PRKCA: variants seen among roughly 807,000 people sequenced by gnomAD.
PRKCA encodes the protein protein kinase C alpha type.
In PRKCA, 27 loss-of-function variants were observed where a neutral mutation model predicts 87.0. The observed-to-expected ratio is 0.31, with a 90% confidence interval of 0.23 to 0.43. The LOEUF is 0.43. Ranked by LOEUF, PRKCA falls within the 20% of genes least tolerant of loss-of-function variation. The pLI is 1.00. For missense variants in PRKCA, 518 were observed against 852.3 expected (o/e 0.61, Z 4.88); for synonymous variants, 329 against 311.1 (o/e 1.06, Z -0.61).
At chr17:66,605,309 G>A (rs1970173659) in intron 3 of PRKCA, among the ~76,000 whole-genome samples, 1 of 152,144 alleles carries the variant, frequency 6.6e-6, no homozygotes, top group Non-Finnish European at 1.5e-5. Flanking sequence ...TGAGACCTGT[G>A]GGACTCCAAA....
intron 5 of PRKCA, among the ~76,000 whole-genome samples, chr17:66,675,767 C>A (rs1387894553): frequency 6.6e-6 from 1 of 152,186 alleles, no homozygotes; most frequent in Admixed American, 6.5e-5. Flanking sequence ...GCCACCGGAG[C>A]CTGCCTGGGC....
intron 3 of PRKCA, among the ~76,000 whole-genome samples, chr17:66,519,327 T>G (rs1031659340): frequency 6.6e-6 from 1 of 152,168 alleles, no homozygotes; most frequent in Non-Finnish European, 1.5e-5. Flanking sequence ...TTTGAGTGCT[T>G]GGAGGCCTCT....
chr17:66,316,508 A>G (rs143398826), intron 2 of PRKCA, among the ~76,000 whole-genome samples: 137 of 152,316 alleles, frequency 9.0e-4, no homozygotes, highest in African/African-American at 3.2e-3. Context: ...TTAAAAAATT[A>G]TGAATTTTTA....
intron 2 of PRKCA, among the ~76,000 whole-genome samples, chr17:66,438,025 G>A (rs565633316): frequency 6.6e-6 from 1 of 152,052 alleles, no homozygotes; most frequent in East Asian, 1.9e-4. Context: ...TGGGGGGTGG[G>A]TGTGTGTGGA....
At position 66,405,808 on chromosome 17, in the gene PRKCA, A is replaced by AT. The variant is rs897538244; in HGVS notation, c.206-90383dup. Among the ~76,000 whole-genome samples the AT allele has an allele frequency of 1.8e-3, 271 of 150,038 alleles. 3 individuals carry two copies. The highest frequency in any genetic ancestry group is 4.5e-3 in the African/African-American group (183 of 40,896). ...TGGCTATCTGTGCTCTTCATTGGCA[A>AT]TTTTTTTTTTAACTTGAAAAAGTCA... On this transcript the variant is annotated intron_variant, in intron 2 of 16. Coordinates refer to ENST00000413366, the MANE Select transcript of PRKCA (RefSeq NM_002737.3).
rs545301691 is a variant in PRKCA at position 66,432,676 on chromosome 17, T to TA, written c.206-63524dup. ...AGTCTTGATGCCAGGGACTGGGCCT[T>TA]ATTCTTGTGAGTTTCTTTGGTATTT... On this transcript the variant is annotated intron_variant, in intron 2 of 16. Transcript: ENST00000413366. Among the ~76,000 whole-genome samples, 49 of 152,224 alleles carry TA rather than the reference T, an allele frequency of 3.2e-4. 1 individual carries two copies. Among genetic ancestry groups the TA allele is most frequent in the African/African-American group, 1.1e-3 (45 of 41,538 alleles).
chr17:66,397,306 GATA>G (rs1910753599), intron 2 of PRKCA, among the ~76,000 whole-genome samples: 1 of 69,056 alleles, frequency 1.4e-5, no homozygotes, highest in Non-Finnish European at 2.9e-5. Context: ...TAGGGCTTTT[GATA>G]TTTGTTGCCA....
chr17:66,649,997 G>C (rs1482132640), intron 5 of PRKCA, among the ~76,000 whole-genome samples: 1 of 152,166 alleles, frequency 6.6e-6, no homozygotes, highest in African/African-American at 2.4e-5. Flanking sequence ...CCTGGTGGTG[G>C]CTTTCATGAG....
chr17:66,462,427 A>G (rs3895744), intron 2 of PRKCA, among the ~76,000 whole-genome samples: 6,141 of 152,220 alleles, frequency 0.04, 377 homozygotes, highest in African/African-American at 0.13. Context: ...TAACATAATA[A>G]TTACTTCCCA....
At chr17:66,356,024 G>A (rs563147884) in intron 2 of PRKCA, among the ~76,000 whole-genome samples, 12 of 151,992 alleles carry the variant, frequency 7.9e-5, no homozygotes, top group African/African-American at 2.2e-4. Flanking sequence ...TCAGCCTCCC[G>A]AGTAGCTGGG....
At chr17:66,479,775 G>A (rs944011066) in intron 2 of PRKCA, among the ~76,000 whole-genome samples, 4 of 152,082 alleles carry the variant, frequency 2.6e-5, no homozygotes, top group Admixed American at 6.6e-5. Context: ...AATACTGCAC[G>A]TTCTCACTTA....
intron 3 of PRKCA, among the ~76,000 whole-genome samples, chr17:66,637,581 T>A (rs544035704): frequency 6.6e-6 from 1 of 152,294 alleles, no homozygotes; most frequent in East Asian, 1.9e-4. Context: ...TGTTGATGTC[T>A]CACACCCTGA....
chr17:66,459,243 TG>T (rs1914725880), intron 2 of PRKCA, among the ~76,000 whole-genome samples: 2 of 147,914 alleles, frequency 1.4e-5, no homozygotes, highest in African/African-American at 5.0e-5. Flanking sequence ...TAGCTGGAGG[TG>T]GTGGTACACA....
chr17:66,740,185 T>G (rs1974126532), intron 11 of PRKCA, among the ~76,000 whole-genome samples: 1 of 151,818 alleles, frequency 6.6e-6, no homozygotes, highest in Admixed American at 6.6e-5. Flanking sequence ...GTTAAGAACG[T>G]TTTATTGGAA....
At position 66,689,156 on chromosome 17, in the gene PRKCA, A is replaced by G. The variant is rs1972712168; in HGVS notation, c.918+109A>G. 1.6e-6 allele frequency: 1 copy of G among 613,174 alleles called. No individual in the cohort carries two copies. The highest frequency in any genetic ancestry group is 3.7e-5 in the Admixed American group (1 of 27,350). 38.0% of individuals were successfully genotyped at this position (613,174 alleles called of 1,614,324 possible). On this transcript the variant is annotated intron_variant, in intron 8 of 16. Coordinates refer to ENST00000413366, the MANE Select transcript of PRKCA (RefSeq NM_002737.3). The surrounding 1 kb of genome is among the most constrained non-coding windows in gnomAD (Gnocchi z 4.1). Reference sequence around the variant, plus strand: ...TGAAAAGCAAAAAAAAAGTAATCTCAATGTTAATGATCTTTTTCTTTATTT... The same window carrying G: ...TGAAAAGCAAAAAAAAAGTAATCTCGATGTTAATGATCTTTTTCTTTATTT...
At chr17:66,693,124 G>T (rs1338274279) in intron 8 of PRKCA, among the ~76,000 whole-genome samples, 2 of 152,220 alleles carry the variant, frequency 1.3e-5, no homozygotes, top group African/African-American at 4.8e-5. Flanking sequence ...TTAAATGGTT[G>T]GTTCTCAAAT....
chr17:66,582,921 G>C (rs552991672), intron 3 of PRKCA, among the ~76,000 whole-genome samples: 2 of 152,218 alleles, frequency 1.3e-5, no homozygotes, highest in African/African-American at 2.4e-5. Flanking sequence ...CAGACTTTGG[G>C]GCCAGATAGT....
intron 2 of PRKCA, among the ~76,000 whole-genome samples, chr17:66,366,586 A>G (rs1234039377): frequency 1.3e-5 from 2 of 148,686 alleles, no homozygotes; most frequent in Non-Finnish European, 2.9e-5. Flanking sequence ...TCAAAGTTAA[A>G]TAATAGCAGT....
intron 3 of PRKCA, among the ~76,000 whole-genome samples, chr17:66,584,314 T>A (rs1969531210): frequency 6.6e-6 from 1 of 152,036 alleles, no homozygotes; most frequent in African/African-American, 2.4e-5. Context: ...CTCCGCCTCC[T>A]GGTTTCAAGC....
Sources: allele counts gnomAD v4.1 joint callset (sites outside exome capture counted in the v4.1 genomes callset), GRCh38; gene constraint gnomAD v4.1.1; non-coding constraint Gnocchi (gnomAD v3.1); transcripts MANE v1.5; gene names NCBI Gene and HGNC (gene_info 2026-07-23, HGNC 2026-07-21).